The following SLC6A6 variants were observed in gnomAD, a reference collection of about 807,000 sequenced individuals.
The protein encoded by SLC6A6 is solute carrier family 6 member 6, also known as sodium- and chloride-dependent taurine transporter.
In SLC6A6, 16 loss-of-function variants were observed where a neutral mutation model predicts 68.8. The observed-to-expected ratio is 0.23, with a 90% CI of 0.16 to 0.35. The LOEUF (loss-of-function observed/expected upper bound fraction) is 0.35, where lower values mean the gene tolerates loss of function less well. SLC6A6 is among the 10% of genes least tolerant of loss of function. The pLI, the probability that SLC6A6 is intolerant of heterozygous loss-of-function variation, is 1.00. For missense variants in SLC6A6, 474 were observed against 802.8 expected, an observed-to-expected ratio of 0.59 and a Z score of 4.95; for synonymous variants, 312 against 315.4, an observed-to-expected ratio of 0.99 and a Z score of 0.12.
intron 9 of SLC6A6, among the ~76,000 whole-genome samples, chr3:14,471,130 C>CTTTTTTTTTTTTTTT (rs754511089): frequency 1.2e-5 from 1 of 83,120 alleles, no homozygotes; most frequent in Non-Finnish European, 2.3e-5. Flanking sequence ...TGCTTCTTGA[C>CTTTTTTTTTTTTTTT]TTTTTTTTTT....
chr3:14,446,411 C>G (rs369954926), intron 4 of SLC6A6, among the ~76,000 whole-genome samples: 1 of 152,136 alleles, frequency 6.6e-6, no homozygotes, highest in Non-Finnish European at 1.5e-5. Context: ...GGGGACTCCA[C>G]AAGGGGCGGG....
chr3:14,445,633 C>T (rs1354888417), intron 3 of SLC6A6, 84 bp from the exon 4 acceptor site: 2 of 1,472,938 alleles, frequency 1.4e-6, no homozygotes, highest in African/African-American at 2.8e-5. Context: ...CTCTCTGGTT[C>T]CATTGGCTGG....
chr3:14,407,751 C>G (rs564940671), intron 1 of SLC6A6, among the ~76,000 whole-genome samples: 56 of 152,302 alleles, frequency 3.7e-4, no homozygotes, highest in Non-Finnish European at 6.8e-4. Context: ...AACGATCCAC[C>G]CTTGCGGGCC....
chr3:14,471,686 T>C (rs1356956097), intron 9 of SLC6A6, among the ~76,000 whole-genome samples: 1 of 152,230 alleles, frequency 6.6e-6, no homozygotes, highest in Admixed American at 6.5e-5. Flanking sequence ...AATGCACCCC[T>C]GAAGAGACAG....
At chr3:14,469,540 A>G (rs1371212111) in intron 9 of SLC6A6, among the ~76,000 whole-genome samples, 3 of 152,320 alleles carry the variant, frequency 2.0e-5, no homozygotes, top group African/African-American at 7.2e-5. Flanking sequence ...GCAACCTGAG[A>G]GCAAGGGCTT....
Position 14,468,137 on chromosome 3 carries a change from G to A in SLC6A6, c.1021G>A (p.Gly341Ser). ...CLNSGTSFVSGFAIFSILGFM... is the reference protein window; with the variant it reads ...CLNSGTSFVSSFAIFSILGFM... Reference sequence around the variant, plus strand: ...GAACAGTGGTACCAGTTTTGTGTCTGGCTTCGCAATTTTTTCCATCCTGGG... The same window carrying A: ...GAACAGTGGTACCAGTTTTGTGTCTAGCTTCGCAATTTTTTCCATCCTGGG... Residue 341 changes from glycine to serine, a missense_variant, in exon 9 of 15, where the codon GGC (glycine) becomes AGC (serine). Gly to Ser is a moderately conservative substitution (Grantham distance 56). Coordinates refer to ENST00000622186, the MANE Select transcript of SLC6A6 (RefSeq NM_003043.6). This position sits in a 1 kb window ranked among gnomAD's most constrained non-coding sequence, Gnocchi z 4.5. 6.2e-7 allele frequency: 1 copy of A among 1,614,152 alleles called. No individual in the cohort carries two copies. Among genetic ancestry groups the A allele is most frequent in the East Asian group, 2.2e-5 (1 of 44,884 alleles).
At position 14,443,678 on chromosome 3, in the gene SLC6A6, A is replaced by G; in HGVS notation, c.44A>G (p.Lys15Arg). ...EKLQCLKDFH[K>R]DILKPSPGKS... ...CTGCAGTGTCTGAAAGATTTCCACA[A>G]GGACATCCTGAAGCCCTCACCAGGG... is the stretch of plus-strand genomic sequence containing the variant. Residue 15 changes from lysine (K) to arginine (R), a missense_variant, in exon 3 of 15, where the codon AAG (lysine) becomes AGG (arginine). By Grantham distance (26) the Lys-to-Arg change is conservative. Coordinates refer to ENST00000622186, the MANE Select transcript of SLC6A6 (RefSeq NM_003043.6). 1 of 1,614,172 alleles carries G rather than the reference A, an allele frequency of 6.2e-7. No individual in the cohort carries two copies. The highest frequency in any genetic ancestry group is 1.3e-5 in the African/African-American group (1 of 75,058).
chr3:14,454,467 C>T (rs1036996941), intron 5 of SLC6A6, among the ~76,000 whole-genome samples: 3 of 152,066 alleles, frequency 2.0e-5, no homozygotes, highest in African/African-American at 7.2e-5. Context: ...TGCTTTCTGG[C>T]TGGGAAGACC....
In SLC6A6 at chr3:14,485,159, CGTGTGT is replaced by C. The variant is rs113673472; in HGVS notation, c.*165_*170del. ...ATGTAATTGTGGGTATGTGTGCGTGCGTGTGTGTGTGTGTGTGTATCGTGTGTGTGT... is the reference window on the plus strand; with the variant it reads ...ATGTAATTGTGGGTATGTGTGCGTGCGTGTGTGTGTGTATCGTGTGTGTGT... On this transcript the variant is annotated 3_prime_UTR_variant, in exon 15 of 15. Transcript: ENST00000622186. 1.1e-5 allele frequency: 5 copies of C among 463,754 alleles called. No homozygotes were observed. The highest frequency in any genetic ancestry group is 3.6e-5 in the East Asian group (1 of 27,918). The allele number at this position is 463,754 out of a possible 1,614,324, so 28.7% of individuals were successfully genotyped here.
intron 6 of SLC6A6, among the ~76,000 whole-genome samples, chr3:14,461,260 G>T (rs1163046707): frequency 6.6e-6 from 1 of 152,218 alleles, no homozygotes; most frequent in Non-Finnish European, 1.5e-5. Flanking sequence ...AGTATGTGCA[G>T]TTATTAGTCC....
At chr3:14,454,334 C>T (rs975893400) in intron 5 of SLC6A6, among the ~76,000 whole-genome samples, 2 of 152,118 alleles carry the variant, frequency 1.3e-5, no homozygotes, top group African/African-American at 2.4e-5. Flanking sequence ...CAGCTTCCTC[C>T]TGGGGTACTT....
At chr3:14,478,796 C>T (rs1289210044) in intron 12 of SLC6A6, 1 of 594,994 alleles carries the variant, frequency 1.7e-6, no homozygotes, top group South Asian at 2.0e-5. Flanking sequence ...CTTGGTTGTG[C>T]AGGACCTGGA....
At chr3:14,441,367 GC>G (rs1287166841) in intron 2 of SLC6A6, among the ~76,000 whole-genome samples, 1 of 152,096 alleles carries the variant, frequency 6.6e-6, no homozygotes, top group Non-Finnish European at 1.5e-5. Flanking sequence ...GCAAGTCAAT[GC>G]TGGAACAATG....
At chr3:14,417,928 T>C (rs78485587) in intron 2 of SLC6A6, among the ~76,000 whole-genome samples, 6,599 of 152,252 alleles carry the variant, frequency 0.043, 221 homozygotes, top group Non-Finnish European at 0.072. Context: ...TAAAAAGGGT[T>C]TAAGGGATGT....
intron 1 of SLC6A6, among the ~76,000 whole-genome samples, chr3:14,405,175 C>T (rs921231603): frequency 3.9e-5 from 6 of 152,178 alleles, no homozygotes; most frequent in African/African-American, 1.4e-4. Flanking sequence ...GTGTCCCAGT[C>T]CTTAGGGCAG....
chr3:14,426,326 T>TC (rs11295566), intron 2 of SLC6A6, among the ~76,000 whole-genome samples: 13 of 151,170 alleles, frequency 8.6e-5, no homozygotes, highest in South Asian at 2.1e-4. Flanking sequence ...TTGGGGTAAG[T>TC]CCCCCCCCAG....
At chr3:14,417,225 T>G (rs931079553) in intron 2 of SLC6A6, among the ~76,000 whole-genome samples, 3 of 152,194 alleles carry the variant, frequency 2.0e-5, no homozygotes, top group African/African-American at 7.2e-5. Context: ...TGGAAAACCT[T>G]TGCTAAAGTT....
intron 4 of SLC6A6, among the ~76,000 whole-genome samples, chr3:14,447,268 A>C (rs905341301): frequency 5.0e-4 from 62 of 123,672 alleles, no homozygotes; most frequent in Admixed American, 1.8e-3. Context: ...ATCCATCCAA[A>C]CATCCAACCA....
chr3:14,452,345 T>C (rs577224705), intron 5 of SLC6A6, among the ~76,000 whole-genome samples: 3 of 152,328 alleles, frequency 2.0e-5, no homozygotes, highest in African/African-American at 7.2e-5. Context: ...CTTGAGTGTT[T>C]TGGAGCTAAG....
Sources: allele counts gnomAD v4.1 joint callset (sites outside exome capture counted in the v4.1 genomes callset), GRCh38; gene constraint gnomAD v4.1.1; non-coding constraint Gnocchi (gnomAD v3.1); transcripts MANE v1.5; gene names NCBI Gene and HGNC (gene_info 2026-07-23, HGNC 2026-07-21).